The following TMEM192 variants were observed in gnomAD, a reference collection of about 807,000 sequenced individuals.
TMEM192 encodes transmembrane protein 192.
TMEM192 carries 20 observed loss-of-function variants against 26.7 expected under a neutral mutation model. The ratio of observed to expected loss-of-function variants is 0.75; its 90% CI spans 0.53 to 1.09. TMEM192 has a LOEUF of 1.09. Ranked by LOEUF, TMEM192 falls within the 50% of genes least tolerant of loss-of-function variation. The pLI is 0.00. For synonymous variants in TMEM192, 124 were observed against 121.0 expected, an observed-to-expected ratio of 1.02 and a Z score of -0.16; for missense variants, 304 against 322.6, an observed-to-expected ratio of 0.94 and a Z score of 0.44.
In TMEM192 at chr4:165,077,699, C is replaced by G. The variant is rs1734418464; in HGVS notation, c.*1959G>C. ...GGCGGAGGTTGCAGTGAGCCGAGAT[C>G]ATGCTACTGCGCTCCAGCCTGGGCA... On this transcript the variant is annotated 3_prime_UTR_variant, in exon 6 of 6. Transcript: ENST00000306480. 1 of 152,068 alleles carries G rather than the reference C, an allele frequency of 6.6e-6. No homozygotes were observed. 9.4% of individuals were successfully genotyped at this position (152,068 alleles called of 1,614,324 possible). A position where few individuals can be genotyped will look rare whatever the true frequency, so the allele number is the denominator to read the frequency against.
intron 5 of TMEM192, among the ~76,000 whole-genome samples, chr4:165,084,964 A>C (rs1010490692): frequency 6.6e-6 from 1 of 151,648 alleles, no homozygotes; most frequent in Non-Finnish European, 1.5e-5. Flanking sequence ...CAATACAGAG[A>C]GACTCTATCC....
chr4:165,104,907 T>C (rs555825035), intron 1 of TMEM192, among the ~76,000 whole-genome samples: 1 of 152,270 alleles, frequency 6.6e-6, no homozygotes, highest in Non-Finnish European at 1.5e-5. Flanking sequence ...TTACTCCTGT[T>C]CTCTTCAAGA....
chr4:165,079,469 C>T lies in TMEM192; in HGVS notation c.*189G>A, dbSNP rs1734468688. On this transcript the variant is annotated 3_prime_UTR_variant, in exon 6 of 6. Transcript: ENST00000306480. ...CAAGTTATCCGGGCTTCTACAGGTA[C>T]TTTTCAAGTGACCCACAAGCCCTAT... 1.9e-6 allele frequency: 1 copy of T among 530,118 alleles called. No individual in the cohort carries two copies. The allele number at this position is 530,118 out of a possible 1,614,324, so 32.8% of individuals were successfully genotyped here.
At chr4:165,084,536 C>T (rs146866058) in intron 5 of TMEM192, among the ~76,000 whole-genome samples, 229 of 152,066 alleles carry the variant, frequency 1.5e-3, no homozygotes, top group African/African-American at 5.2e-3. Context: ...ATTCTTATGT[C>T]TGTTGCTATC....
chr4:165,080,203 G>A (rs1045128135), intron 5 of TMEM192, among the ~76,000 whole-genome samples: 3 of 152,172 alleles, frequency 2.0e-5, no homozygotes, highest in Admixed American at 6.6e-5. Flanking sequence ...TTTTTTAAAT[G>A]TATGGCATTT....
At position 165,103,054 on chromosome 4, in the gene TMEM192, G is replaced by A. The variant is rs1560934901; in HGVS notation, c.70C>T (p.Leu24=). 1 of 1,613,466 alleles carries A rather than the reference G, an allele frequency of 6.2e-7. No homozygotes were observed. The highest frequency in any genetic ancestry group is 8.5e-7 in the Non-Finnish European group (1 of 1,179,736). The change falls in exon 2 of 6, where the codon CTG becomes TTG. Residue 24 remains leucine, a synonymous_variant. Coordinates refer to ENST00000306480, the MANE Select transcript of TMEM192 (RefSeq NM_001100389.2). ...ITQSIEDDPL[L]DAQLLPHHSL... ...TGGTGTGGGAGAAGCTGGGCATCCAGAAGTGGGTCGTCTTCAATACTCTGG... is the reference window on the plus strand; with the variant it reads ...TGGTGTGGGAGAAGCTGGGCATCCAAAAGTGGGTCGTCTTCAATACTCTGG...
At position 165,075,038 on chromosome 4, in the gene TMEM192, C is replaced by T. The variant is rs1734343298; in HGVS notation, c.*4620G>A. The T allele has an allele frequency of 1.3e-5, 2 of 152,288 alleles. No homozygotes were observed. Among genetic ancestry groups the T allele is most frequent in the East Asian group, 3.9e-4 (2 of 5,182 alleles). 9.4% of individuals were successfully genotyped at this position (152,288 alleles called of 1,614,324 possible). On this transcript the variant is annotated 3_prime_UTR_variant, in exon 6 of 6. Coordinates refer to ENST00000306480, the MANE Select transcript of TMEM192 (RefSeq NM_001100389.2). ...AGAAATACAATTTGAAACAATGACA[C>T]ACTCATCAGATGGGTCAAGACTTAA...
In TMEM192 at chr4:165,079,392, G is replaced by C. The variant is rs1053921306; in HGVS notation, c.*266C>G. The C allele has an allele frequency of 1.9e-5, 7 of 361,626 alleles. No homozygotes were observed. The highest frequency in any genetic ancestry group is 1.3e-4 in the African/African-American group (6 of 47,680). The allele number at this position is 361,626 out of a possible 1,614,324, so 22.4% of individuals were successfully genotyped here. ...TGGAGTTGTTTAGCCTCTGATCCTA[G>C]GATAAACCAAGCAGTTAAATAATTT... is the stretch of plus-strand genomic sequence containing the variant. On this transcript the variant is annotated 3_prime_UTR_variant, in exon 6 of 6. Coordinates refer to ENST00000306480, the MANE Select transcript of TMEM192 (RefSeq NM_001100389.2).
intron 1 of TMEM192, among the ~76,000 whole-genome samples, chr4:165,108,279 G>A (rs1339325458): frequency 6.6e-6 from 1 of 151,624 alleles, no homozygotes; most frequent in Non-Finnish European, 1.5e-5. Flanking sequence ...CCAGCACCAC[G>A]CCCGGCTAAT....
rs751300830 is a variant in TMEM192 at position 165,112,815 on chromosome 4, TCCA to T, written c.-45_-43del. On this transcript the variant is annotated 5_prime_UTR_variant, in exon 1 of 6. Transcript: ENST00000306480. ...CCGAAGCCCTGGCCAGCCCGGCCTC[TCCA>T]CCTGGACCTGTAAGCCTCTGGCCGC... 1 of 1,598,748 alleles carries T rather than the reference TCCA, an allele frequency of 6.3e-7. No individual in the cohort carries two copies. Among genetic ancestry groups the T allele is most frequent in the Non-Finnish European group, 8.5e-7 (1 of 1,176,792 alleles).
intron 2 of TMEM192, among the ~76,000 whole-genome samples, 154 bp from the exon 3 acceptor site, chr4:165,101,046 G>A (rs1219579888): frequency 6.7e-5 from 9 of 134,112 alleles, no homozygotes; most frequent in South Asian, 4.8e-4. Flanking sequence ...GCGCAATCTC[G>A]GCTTACTGCA....
At position 165,112,802 on chromosome 4, in the gene TMEM192, C is replaced by G; in HGVS notation, c.-29G>C. On this transcript the variant is annotated 5_prime_UTR_variant, in exon 1 of 6. Coordinates refer to ENST00000306480, the MANE Select transcript of TMEM192 (RefSeq NM_001100389.2). Reference sequence around the variant, plus strand: ...CCGACGCCGGAGGCCGAAGCCCTGGCCAGCCCGGCCTCTCCACCTGGACCT... The same window carrying G: ...CCGACGCCGGAGGCCGAAGCCCTGGGCAGCCCGGCCTCTCCACCTGGACCT... The G allele has an allele frequency of 6.2e-7, 1 of 1,603,228 alleles. No individual in the cohort carries two copies. The highest frequency in any genetic ancestry group is 8.5e-7 in the Non-Finnish European group (1 of 1,178,186).
chr4:165,102,238 T>C (rs1735053080), intron 2 of TMEM192, among the ~76,000 whole-genome samples: 1 of 152,216 alleles, frequency 6.6e-6, no homozygotes, highest in Non-Finnish European at 1.5e-5. Context: ...TATAAGTAAA[T>C]TGATAAATTC....
chr4:165,105,751 C>A (rs1333740848), intron 1 of TMEM192, among the ~76,000 whole-genome samples: 1 of 152,198 alleles, frequency 6.6e-6, no homozygotes, highest in Non-Finnish European at 1.5e-5. Context: ...CAAGTGCACT[C>A]CCAGTGTGCT....
chr4:165,102,414 A>G (rs1415051396), intron 2 of TMEM192, among the ~76,000 whole-genome samples: 1 of 152,132 alleles, frequency 6.6e-6, no homozygotes, highest in East Asian at 1.9e-4. Flanking sequence ...TAGGTCTGTG[A>G]ATGCTTCTAG....
rs1245110064 is a variant in TMEM192 at position 165,097,388 on chromosome 4, G to A, written c.439+3240C>T. 5.9e-5 allele frequency among the ~76,000 whole-genome samples: 9 copies of A among 151,400 alleles called. 1 individual carries two copies. The highest frequency in any genetic ancestry group is 1.2e-4 in the Non-Finnish European group (8 of 67,912). On this transcript the variant is annotated intron_variant, in intron 3 of 5. Coordinates refer to ENST00000306480, the MANE Select transcript of TMEM192 (RefSeq NM_001100389.2). ...GGGCGAATGCAGTCCCAGCTACTCG[G>A]GAGGCTGAGGCAGGAGAATGGCCTG...
chr4:165,090,307 C>T (rs1383383736), intron 3 of TMEM192, among the ~76,000 whole-genome samples: 2 of 150,510 alleles, frequency 1.3e-5, no homozygotes, highest in East Asian at 2.0e-4. Flanking sequence ...TGCTTGAACC[C>T]GGGGGGCAGA....
chr4:165,099,667 C>T (rs1182885166), intron 3 of TMEM192, among the ~76,000 whole-genome samples: 2 of 152,114 alleles, frequency 1.3e-5, no homozygotes, highest in Non-Finnish European at 2.9e-5. Context: ...AAGTTCCCAC[C>T]AGGACTGGCT....
chr4:165,088,513 C>A lies in TMEM192; in HGVS notation c.529G>T (p.Ala177Ser). ...ATCAGGGAACAGATGAGTTCCAGTG[C>A]CAAGATGGCCAGAATGAGGTCAAGA... ...LYLDLILAIL[A>S]LELICSLICL... Residue 177 changes from alanine (A) to serine (S), a missense_variant, in exon 4 of 6, where the codon GCA becomes TCA. Physicochemically the swap from Ala to Ser is moderately conservative, Grantham distance 99. Coordinates refer to ENST00000306480, the MANE Select transcript of TMEM192 (RefSeq NM_001100389.2). The A allele has an allele frequency of 1.9e-6, 3 of 1,613,552 alleles. No individual in the cohort carries two copies. Among genetic ancestry groups the A allele is most frequent in the Non-Finnish European group, 2.5e-6 (3 of 1,179,806 alleles).
Sources: gnomAD v4.1 joint callset for allele counts (sites outside exome capture counted in the v4.1 genomes callset) on GRCh38, gnomAD v4.1.1 for gene constraint, MANE v1.5 for transcripts, NCBI Gene and HGNC (gene_info 2026-07-23, HGNC 2026-07-21) for gene names.